Variants in RBFOX3 observed in about 807,000 individuals in gnomAD.
The protein encoded by RBFOX3 is RNA binding fox-1 homolog 3.
A neutral mutation model predicts 48.7 loss-of-function variants in RBFOX3; 17 were observed. The ratio of observed to expected loss-of-function variants is 0.35; its 90% confidence interval spans 0.24 to 0.52. RBFOX3 has a LOEUF of 0.52. RBFOX3 is among the 20% of genes least tolerant of loss of function. The probability of loss-of-function intolerance (pLI) is 0.94; values close to 1 mark genes in which losing one functional copy is unlikely to be tolerated. For missense variants in RBFOX3, 382 were observed against 497.5 expected, an observed-to-expected ratio of 0.77 and a Z score of 2.21; for synonymous variants, 212 against 209.5, an observed-to-expected ratio of 1.01 and a Z score of -0.10.
the RBFOX3 span, among the ~76,000 whole-genome samples, chr17:79,645,938 G>C: frequency 6.6e-6 from 1 of 152,188 alleles, no homozygotes; most frequent in Admixed American, 6.5e-5. Flanking sequence ...CCTTGATTTA[G>C]ATGGATGCTC....
At chr17:79,203,069 G>A (rs1332647261) in intron 4 of RBFOX3, among the ~76,000 whole-genome samples, 1 of 151,936 alleles carries the variant, frequency 6.6e-6, no homozygotes, top group Non-Finnish European at 1.5e-5. Flanking sequence ...TTCTCTCGGG[G>A]CCTGGATTTT....
At chr17:79,415,200 C>T (rs2065133091) in intron 2 of RBFOX3, among the ~76,000 whole-genome samples, 1 of 152,156 alleles carries the variant, frequency 6.6e-6, no homozygotes, top group Non-Finnish European at 1.5e-5. Flanking sequence ...GGGCCGAGGC[C>T]CAGCAATACC....
At chr17:79,202,430 G>A (rs1214956867) in intron 4 of RBFOX3, among the ~76,000 whole-genome samples, 1 of 152,148 alleles carries the variant, frequency 6.6e-6, no homozygotes, top group East Asian at 1.9e-4. Context: ...TATCCTGGTA[G>A]AGTCTGCCAC....
rs368395433 is a variant in RBFOX3, at chr17:79,544,597, C to T, written c.-319-61999G>A. On this transcript the variant is annotated intron_variant, in intron 1 of 14. Transcript: ENST00000693108. ...TCCATACCTCCCTGCCCTGCCAACC[C>T]TGACACCTGCCATCCACCTGCCCCA... 2.0e-5 allele frequency among the ~76,000 whole-genome samples: 3 copies of T among 151,962 alleles called. No individual in the cohort carries two copies. The East Asian group carries it at 5.8e-4, about 29-fold the overall frequency.
At chr17:79,396,731 C>T (rs565541830) in intron 2 of RBFOX3, among the ~76,000 whole-genome samples, 4 of 152,334 alleles carry the variant, frequency 2.6e-5, no homozygotes, top group Non-Finnish European at 4.4e-5. Flanking sequence ...CTGTCCCCCT[C>T]GGGCCCCAGG....
chr17:79,600,076 T>C (rs2093669962), intron 1 of RBFOX3: 1 of 152,206 alleles, frequency 6.6e-6, no homozygotes, highest in Non-Finnish European at 1.5e-5. Context: ...CAGGGCTTGG[T>C]GGATGCTCAG....
the RBFOX3 span, among the ~76,000 whole-genome samples, chr17:79,618,778 CGTCT>C: frequency 6.6e-6 from 1 of 152,150 alleles, no homozygotes; most frequent in South Asian, 2.1e-4. Context: ...GTAGGCAAAG[CGTCT>C]GAATGTTAAT....
At chr17:79,232,044 A>T (rs2061098054) in intron 4 of RBFOX3, among the ~76,000 whole-genome samples, 1 of 152,220 alleles carries the variant, frequency 6.6e-6, no homozygotes, top group Non-Finnish European at 1.5e-5. Flanking sequence ...GCAGGGAAAT[A>T]CCAGACGCTT....
Position 79,495,649 on chromosome 17 carries a change from GCA to G in RBFOX3, c.-319-13053_-319-13052del, listed in dbSNP as rs2081397930. Among the ~76,000 whole-genome samples, 137 of 129,654 alleles carry G rather than the reference GCA, an allele frequency of 1.1e-3. 11 individuals are homozygous for G. The highest frequency in any genetic ancestry group is 8.2e-3 in the Middle Eastern group (2 of 244). The allele number at this position is 129,654 out of a possible 152,430, so 85.1% of individuals were successfully genotyped here. A position where few individuals can be genotyped will look rare whatever the true frequency, so the allele number is the denominator to read the frequency against. On this transcript the variant is annotated intron_variant, in intron 1 of 14. Coordinates refer to ENST00000693108, the MANE Select transcript of RBFOX3 (RefSeq NM_001350451.2). ...AGGGTACTGGGGCAGGGATGGGGGT[GCA>G]GGAAGGTGGGAATGGAATGCATGGG...
chr17:79,601,974 G>T (rs1397577880), intron 1 of RBFOX3: 2 of 152,230 alleles, frequency 1.3e-5, no homozygotes, highest in African/African-American at 4.8e-5. Context: ...AACACAAAGT[G>T]CAGATCTGCA....
intron 1 of RBFOX3, among the ~76,000 whole-genome samples, chr17:79,560,338 C>A (rs2092126987): frequency 6.6e-6 from 1 of 152,112 alleles, no homozygotes; most frequent in Non-Finnish European, 1.5e-5. Context: ...AGCAGAGAAC[C>A]CATGCAGGTA....
chr17:79,416,131 T>C (rs1323630896), intron 2 of RBFOX3, among the ~76,000 whole-genome samples: 4 of 152,148 alleles, frequency 2.6e-5, no homozygotes, highest in Admixed American at 1.3e-4. Context: ...TGCCCACAGG[T>C]GCCCCCACAA....
At chr17:79,512,415 G>A (rs1417180402) in intron 1 of RBFOX3, among the ~76,000 whole-genome samples, 3 of 96,488 alleles carry the variant, frequency 3.1e-5, no homozygotes, top group South Asian at 4.0e-4. Context: ...GCCAGGGGAC[G>A]CACACCTGGA....
the RBFOX3 span, among the ~76,000 whole-genome samples, chr17:79,663,780 G>T: frequency 6.7e-6 from 1 of 149,916 alleles, no homozygotes; most frequent in Non-Finnish European, 1.5e-5. Flanking sequence ...AGTTAATAAC[G>T]CAGTAAATCT....
chr17:79,326,608 A>G (rs1248706971), intron 2 of RBFOX3, among the ~76,000 whole-genome samples: 1 of 152,028 alleles, frequency 6.6e-6, no homozygotes, highest in Non-Finnish European at 1.5e-5. Context: ...TCTCTAGACA[A>G]CCCGCAGGCA....
At chr17:79,098,112 T>C in intron 9 of RBFOX3, 1 of 229,940 alleles carries the variant, frequency 4.3e-6, no homozygotes, top group Non-Finnish European at 8.8e-6. Flanking sequence ...TGAGCACAGC[T>C]GGGATGAGGG....
At chr17:79,602,458 G>A (rs2093726452) in intron 1 of RBFOX3, among the ~76,000 whole-genome samples, 3 of 152,234 alleles carry the variant, frequency 2.0e-5, no homozygotes, top group South Asian at 4.1e-4. Flanking sequence ...AACCACTGTC[G>A]GTCTTCTCCC....
At chr17:79,282,326 C>T (rs2070754026) in intron 3 of RBFOX3, among the ~76,000 whole-genome samples, 2 of 152,188 alleles carry the variant, frequency 1.3e-5, no homozygotes, top group Non-Finnish European at 2.9e-5. Flanking sequence ...GAATAAAGTA[C>T]AGGAAAACTT....
intron 2 of RBFOX3, among the ~76,000 whole-genome samples, chr17:79,366,847 C>G (rs1413398979): frequency 6.6e-6 from 1 of 152,194 alleles, no homozygotes; most frequent in Admixed American, 6.5e-5. Context: ...TGCTCTCACC[C>G]CAGCTGCTGG....
Sources: allele counts gnomAD v4.1 joint callset (sites outside exome capture counted in the v4.1 genomes callset), GRCh38; gene constraint gnomAD v4.1.1; transcripts MANE v1.5; gene names NCBI Gene and HGNC (gene_info 2026-07-23, HGNC 2026-07-21).